Variants in UCHL3 observed in about 807,000 individuals in gnomAD.
UCHL3 encodes ubiquitin C-terminal hydrolase L3, also known as ubiquitin carboxyl-terminal hydrolase isozyme L3.
A neutral mutation model predicts 35.8 loss-of-function variants in UCHL3; 22 were observed. That is an observed-to-expected ratio of 0.61 (90% CI 0.44 to 0.88). UCHL3 has a LOEUF of 0.88. Among genes scored for constraint, UCHL3 ranks in the 40% least tolerant of loss-of-function variants. The probability of loss-of-function intolerance (pLI) is 0.00; values close to 1 mark genes in which losing one functional copy is unlikely to be tolerated. For missense variants in UCHL3, 229 were observed against 276.9 expected (o/e 0.83, Z 1.23); for synonymous variants, 90 against 92.8 (o/e 0.97, Z 0.17).
At chr13:75,567,042 G>T (rs2031707029) in intron 4 of UCHL3, among the ~76,000 whole-genome samples, 185 bp from the exon 5 acceptor site, 1 of 152,118 alleles carries the variant, frequency 6.6e-6, no homozygotes, top group South Asian at 2.1e-4. Context: ...TTGACTAATA[G>T]GGGTTAAACA....
upstream of UCHL3, chr13:75,549,689 T>G (rs2030999001): frequency 2.8e-6 from 3 of 1,071,624 alleles, no homozygotes; most frequent in East Asian, 8.6e-5. Context: ...CCCGTCAAAC[T>G]CTTTTTGGTG....
At chr13:75,588,462 A>C (rs2032388551) in intron 6 of UCHL3, among the ~76,000 whole-genome samples, 1 of 152,116 alleles carries the variant, frequency 6.6e-6, no homozygotes. Context: ...TTCTTATTAA[A>C]CTATATCTGT....
At chr13:75,579,276 A>G (rs1329605766) in intron 6 of UCHL3, among the ~76,000 whole-genome samples, 1 of 152,116 alleles carries the variant, frequency 6.6e-6, no homozygotes, top group African/African-American at 2.4e-5. Flanking sequence ...TACATGTATC[A>G]TGCGGTTCAA....
At chr13:75,554,261 T>C (rs1244326124) in intron 2 of UCHL3, among the ~76,000 whole-genome samples, 1 of 152,130 alleles carries the variant, frequency 6.6e-6, no homozygotes, top group Admixed American at 6.5e-5. Flanking sequence ...AAGATGGTTT[T>C]ACTCTGTTTC....
chr13:75,558,611 C>G (rs1213186445), intron 2 of UCHL3, among the ~76,000 whole-genome samples: 1 of 152,086 alleles, frequency 6.6e-6, no homozygotes, highest in Non-Finnish European at 1.5e-5. Context: ...TTAATGAATG[C>G]TAGGGTTTTA....
chr13:75,561,826 CGTACGTAT>C (rs1566211546), intron 3 of UCHL3, among the ~76,000 whole-genome samples: 22 of 32,530 alleles, frequency 6.8e-4, no homozygotes, highest in Admixed American at 3.2e-3. Context: ...TACGTATATA[CGTACGTAT>C]ATACGTATAC....
intron 2 of UCHL3, among the ~76,000 whole-genome samples, chr13:75,559,939 T>A (rs544405992): frequency 4.6e-5 from 7 of 152,300 alleles, no homozygotes; most frequent in Admixed American, 1.3e-4. Context: ...TAGATTAAGG[T>A]CTGACATTTT....
At chr13:75,551,720 T>A (rs1325795615) in intron 2 of UCHL3, among the ~76,000 whole-genome samples, 1 of 152,222 alleles carries the variant, frequency 6.6e-6, no homozygotes, top group Non-Finnish European at 1.5e-5. Context: ...ATGATGTTGA[T>A]TGTTTTAACA....
At chr13:75,560,651 A>C (rs1180385595) in intron 2 of UCHL3, 102 bp from the exon 3 acceptor site, 3 of 1,109,604 alleles carry the variant, frequency 2.7e-6, no homozygotes, top group Non-Finnish European at 3.7e-6. Flanking sequence ...TACAGAGTAC[A>C]TATTTGTTGA....
At chr13:75,550,035 C>T (rs1479003969) in intron 2 of UCHL3, 48 bp downstream of exon 2, 1 of 1,613,778 alleles carries the variant, frequency 6.2e-7, no homozygotes, top group South Asian at 1.1e-5. Context: ...TTTCTGTCTG[C>T]TCGGTCCGCT....
intron 6 of UCHL3, among the ~76,000 whole-genome samples, chr13:75,583,691 A>C (rs1396923733): frequency 6.6e-6 from 1 of 152,220 alleles, no homozygotes; most frequent in Non-Finnish European, 1.5e-5. Flanking sequence ...GAAAACCAGA[A>C]ACAAACTAAA....
chr13:75,567,290 C>T lies in UCHL3; in HGVS notation c.404C>T (p.Ala135Val). 6.2e-7 allele frequency: 1 copy of T among 1,614,084 alleles called. No individual in the cohort carries two copies. Among genetic ancestry groups the T allele is most frequent in the Non-Finnish European group, 8.5e-7 (1 of 1,180,016 alleles). Residue 135 changes from alanine to valine, a missense_variant, in exon 5 of 9, where the codon GCC becomes GTC. Coordinates refer to ENST00000377595, the MANE Select transcript of UCHL3 (RefSeq NM_006002.5). ...GTGTCAATGAGCCCTGAAGAACGAG[C>T]CAGATACCTGGAGAACTATGATGTC... Reference protein sequence around the residue: ...ESVSMSPEERARYLENYDAIR... With the variant: ...ESVSMSPEERVRYLENYDAIR...
chr13:75,565,691 C>G (rs927686250), intron 3 of UCHL3, among the ~76,000 whole-genome samples: 2 of 152,160 alleles, frequency 1.3e-5, no homozygotes, highest in Admixed American at 1.3e-4. Context: ...CAGATTTGGC[C>G]TGTAGGCTGT....
intron 7 of UCHL3, among the ~76,000 whole-genome samples, chr13:75,602,175 C>G (rs928870864): frequency 6.6e-6 from 1 of 152,098 alleles, no homozygotes; most frequent in African/African-American, 2.4e-5. Context: ...TCTGTATAGT[C>G]TCTGTTTTTT....
chr13:75,600,644 A>G (rs991593497), intron 7 of UCHL3, among the ~76,000 whole-genome samples: 2 of 152,234 alleles, frequency 1.3e-5, no homozygotes, highest in Admixed American at 1.3e-4. Flanking sequence ...TCCTTTGAAA[A>G]TATTACTGCT....
intron 2 of UCHL3, among the ~76,000 whole-genome samples, chr13:75,555,457 A>G (rs1363539779): frequency 6.6e-6 from 1 of 152,228 alleles, no homozygotes; most frequent in Non-Finnish European, 1.5e-5. Context: ...TCACGGGGCC[A>G]TCAACAAATA....
chr13:75,570,461 C>T (rs2031819894), intron 6 of UCHL3, among the ~76,000 whole-genome samples: 1 of 152,156 alleles, frequency 6.6e-6, no homozygotes, highest in African/African-American at 2.4e-5. Context: ...TGGTCTCGAT[C>T]TCCTGACCTT....
intron 6 of UCHL3, among the ~76,000 whole-genome samples, chr13:75,571,172 ATTG>A (rs1425270133): frequency 6.6e-6 from 1 of 152,218 alleles, no homozygotes; most frequent in African/African-American, 2.4e-5. Context: ...GCGTAAGTTT[ATTG>A]TTAAGATATG....
At position 75,567,263 on chromosome 13, in the gene UCHL3, C is replaced by G; in HGVS notation, c.377C>G (p.Ser126Cys). Residue 126 changes from serine to cysteine, a missense_variant, in exon 5 of 9, where the codon TCT (serine) becomes TGT (cysteine). Coordinates refer to ENST00000377595, the MANE Select transcript of UCHL3 (RefSeq NM_006002.5). ...GSTLKKFLEESVSMSPEERAR... is the reference protein window; with the variant it reads ...GSTLKKFLEECVSMSPEERAR... The stretch of plus-strand genomic sequence containing the variant: ...ACCTTGAAAAAATTCCTGGAGGAAT[C>G]TGTGTCAATGAGCCCTGAAGAACGA... 1 of 1,614,108 alleles carries G rather than the reference C, an allele frequency of 6.2e-7. No homozygotes were observed. Among genetic ancestry groups the G allele is most frequent in the Middle Eastern group, 1.6e-4 (1 of 6,062 alleles).
Sources: allele counts gnomAD v4.1 joint callset (sites outside exome capture counted in the v4.1 genomes callset), GRCh38; gene constraint gnomAD v4.1.1; transcripts MANE v1.5; gene names NCBI Gene and HGNC (gene_info 2026-07-23, HGNC 2026-07-21).